The following TP63 variants were observed in gnomAD, a reference collection of about 807,000 sequenced individuals.
TP63 encodes the protein tumor protein 63.
In TP63, 17 loss-of-function variants were observed where a neutral mutation model predicts 82.8. The observed-to-expected ratio is 0.21, with a 90% confidence interval of 0.14 to 0.31. TP63 has a LOEUF of 0.31. Ranked by LOEUF, TP63 falls within the 10% of genes least tolerant of loss-of-function variation. The pLI, the probability that TP63 is intolerant of heterozygous loss-of-function variation, is 1.00. For synonymous variants in TP63, 330 were observed against 321.7 expected (o/e 1.03, Z -0.28); for missense variants, 648 against 895.3 (o/e 0.72, Z 3.52).
At chr3:189,833,254 C>T (rs938611708) in intron 4 of TP63, among the ~76,000 whole-genome samples, 9 of 152,102 alleles carry the variant, frequency 5.9e-5, no homozygotes, top group Admixed American at 6.5e-5. Flanking sequence ...TAGTGATGGC[C>T]TCAAGAAGAA....
chr3:189,843,610 C>A (rs546065675), intron 4 of TP63, among the ~76,000 whole-genome samples: 1 of 152,172 alleles, frequency 6.6e-6, no homozygotes, highest in Non-Finnish European at 1.5e-5. Flanking sequence ...TTGGGATCTG[C>A]GTCTGCCTGA....
intron 1 of TP63, among the ~76,000 whole-genome samples, chr3:189,642,371 G>A (rs1711967686): frequency 6.6e-6 from 1 of 152,060 alleles, no homozygotes; most frequent in Non-Finnish European, 1.5e-5. Flanking sequence ...ACTGTTCCAA[G>A]CACTTTACAC....
chr3:189,877,356 C>CT, intron 10 of TP63, among the ~76,000 whole-genome samples: 1 of 152,178 alleles, frequency 6.6e-6, no homozygotes, highest in Non-Finnish European at 1.5e-5. Flanking sequence ...GCAGAAGCCT[C>CT]TTGAGACCTA....
intron 6 of TP63, 29 bp downstream of exon 6, chr3:189,866,826 C>T: frequency 6.3e-7 from 1 of 1,580,082 alleles, no homozygotes; most frequent in Non-Finnish European, 8.7e-7. Context: ...AACCAAAAAA[C>T]AACACCTCTA....
intron 3 of TP63, among the ~76,000 whole-genome samples, chr3:189,793,760 A>G (rs903151768): frequency 2.0e-5 from 3 of 152,114 alleles, no homozygotes; most frequent in Non-Finnish European, 4.4e-5. Flanking sequence ...TCTGTGAAAA[A>G]CAACTTGATG....
At chr3:189,791,783 T>C in intron 3 of TP63, among the ~76,000 whole-genome samples, 1 of 152,146 alleles carries the variant, frequency 6.6e-6, no homozygotes, top group East Asian at 1.9e-4. Flanking sequence ...TGCTTTCATA[T>C]CTAGTCCTCT....
intron 4 of TP63, among the ~76,000 whole-genome samples, chr3:189,859,630 A>G (rs533720412): frequency 6.6e-6 from 1 of 152,322 alleles, no homozygotes; most frequent in African/African-American, 2.4e-5. Context: ...ACCACTTTGT[A>G]AAACTATTTG....
At chr3:189,752,591 A>G (rs1005712265) in intron 3 of TP63, among the ~76,000 whole-genome samples, 3 of 151,940 alleles carry the variant, frequency 2.0e-5, no homozygotes, top group Non-Finnish European at 4.4e-5. Context: ...AGGTTTATCA[A>G]TTTTATTTAT....
In TP63 at chr3:189,658,590, CA is replaced by C. The variant is rs549942874; in HGVS notation, c.62+27014del. ...CCCCCTTGGTTTTCTTTTAAAAATC[CA>C]TAACGCTAATTCTAATCATGAGAAA... On this transcript the variant is annotated intron_variant, in intron 1 of 13. Coordinates refer to ENST00000264731, the MANE Select transcript of TP63 (RefSeq NM_003722.5). Among the ~76,000 whole-genome samples, 15 of 152,018 alleles carry C rather than the reference CA, an allele frequency of 9.9e-5. No homozygotes were observed. The South Asian group carries it at 3.1e-3, about 32-fold the overall frequency.
intron 1 of TP63, among the ~76,000 whole-genome samples, chr3:189,652,938 ATGT>A (rs1713019974): frequency 6.8e-6 from 1 of 146,860 alleles, no homozygotes; most frequent in Non-Finnish European, 1.5e-5. Flanking sequence ...ACTCCCAGCC[ATGT>A]GGAACTGAGT....
At chr3:189,796,010 G>T (rs1725663707) in intron 3 of TP63, among the ~76,000 whole-genome samples, 3 of 151,978 alleles carry the variant, frequency 2.0e-5, no homozygotes, top group Admixed American at 2.0e-4. Flanking sequence ...TGTTTATTAT[G>T]AGTTAATTTT....
intron 4 of TP63, among the ~76,000 whole-genome samples, chr3:189,854,588 A>G (rs1716058666): frequency 6.6e-6 from 1 of 152,188 alleles, no homozygotes; most frequent in African/African-American, 2.4e-5. Flanking sequence ...AAATTAAACT[A>G]AATTGGACAC....
At chr3:189,721,933 G>T (rs985348529) in intron 1 of TP63, among the ~76,000 whole-genome samples, 1 of 152,182 alleles carries the variant, frequency 6.6e-6, no homozygotes, top group Admixed American at 6.5e-5. Flanking sequence ...CTAATGTGTA[G>T]CCAGCTTTGA....
At chr3:189,661,604 G>A (rs1294930265) in intron 1 of TP63, among the ~76,000 whole-genome samples, 3 of 152,040 alleles carry the variant, frequency 2.0e-5, no homozygotes, top group East Asian at 3.9e-4. Context: ...AGTTAGGGAC[G>A]AGTCCCTCAT....
chr3:189,857,112 G>A (rs2108778749), intron 4 of TP63, among the ~76,000 whole-genome samples: 1 of 152,176 alleles, frequency 6.6e-6, no homozygotes, highest in East Asian at 1.9e-4. Context: ...CAGACTACCT[G>A]ATTTCAAGAC....
At chr3:189,766,685 C>A (rs931296407) in intron 3 of TP63, among the ~76,000 whole-genome samples, 1 of 152,094 alleles carries the variant, frequency 6.6e-6, no homozygotes, top group African/African-American at 2.4e-5. Context: ...TGAAAATTAA[C>A]CTCGCTAAAA....
intron 4 of TP63, among the ~76,000 whole-genome samples, chr3:189,818,529 C>T (rs1395159472): frequency 6.6e-6 from 1 of 151,708 alleles, no homozygotes; most frequent in Non-Finnish European, 1.5e-5. Flanking sequence ...TAATTTTGAT[C>T]CATTTCATGG....
At chr3:189,670,587 A>G (rs1317449059) in intron 1 of TP63, among the ~76,000 whole-genome samples, 1 of 152,116 alleles carries the variant, frequency 6.6e-6, no homozygotes, top group Non-Finnish European at 1.5e-5. Context: ...AAGAAAATAT[A>G]TTGAACAGAA....
At chr3:189,869,158 G>A (rs905251242) in intron 8 of TP63, among the ~76,000 whole-genome samples, 166 bp from the exon 9 acceptor site, 3 of 152,288 alleles carry the variant, frequency 2.0e-5, no homozygotes, top group South Asian at 2.1e-4. Flanking sequence ...TTAAATGGAC[G>A]CTTAGGGCTA....
Sources: allele counts gnomAD v4.1 joint callset (sites outside exome capture counted in the v4.1 genomes callset), GRCh38; gene constraint gnomAD v4.1.1; transcripts MANE v1.5; gene names NCBI Gene and HGNC (gene_info 2026-07-23, HGNC 2026-07-21).